Variants in MAF observed in about 807,000 individuals in gnomAD.
The protein encoded by MAF is MAF bZIP transcription factor, also known as transcription factor Maf.
A neutral mutation model predicts 22.0 loss-of-function variants in MAF; 10 were observed. The observed-to-expected ratio is 0.45, with a 90% confidence interval of 0.28 to 0.77. The LOEUF is 0.77. Ranked by LOEUF, MAF falls within the 30% of genes least tolerant of loss-of-function variation. MAF has a pLI of 0.12. For synonymous variants in MAF, 337 were observed against 255.8 expected, an observed-to-expected ratio of 1.32 and a Z score of -3.03; for missense variants, 544 against 548.4, an observed-to-expected ratio of 0.99 and a Z score of 0.08.
At chr16:79,270,950 G>C in the MAF span, among the ~76,000 whole-genome samples, 1 of 149,696 alleles carries the variant, frequency 6.7e-6, no homozygotes, top group Admixed American at 6.7e-5. Flanking sequence ...ACCCAGGATA[G>C]AGTGCACTGG....
At chr16:79,211,695 T>G in the MAF span, 45 of 1,614,226 alleles carry the variant, frequency 2.8e-5, no homozygotes, top group Non-Finnish European at 3.7e-5. Context: ...CTGCTGCCGC[T>G]GCATGCCCTC....
At chr16:79,344,660 C>A in the MAF span, among the ~76,000 whole-genome samples, 5 of 152,070 alleles carry the variant, frequency 3.3e-5, no homozygotes, top group Non-Finnish European at 7.4e-5. Flanking sequence ...AAGAGCTGTC[C>A]GAATCATAGT....
the MAF span, among the ~76,000 whole-genome samples, chr16:79,441,782 T>G: frequency 6.6e-6 from 1 of 152,344 alleles, no homozygotes; most frequent in Admixed American, 6.5e-5. Flanking sequence ...GTAAATTTAT[T>G]TCTACTAGGA....
chr16:79,340,175 T>C, the MAF span, among the ~76,000 whole-genome samples: 2 of 151,998 alleles, frequency 1.3e-5, no homozygotes, highest in Admixed American at 6.5e-5. Flanking sequence ...TTTTATCAAA[T>C]ACCTGCCCCT....
the MAF span, among the ~76,000 whole-genome samples, chr16:79,329,331 TGGA>T: frequency 6.6e-6 from 1 of 152,168 alleles, no homozygotes; most frequent in African/African-American, 2.4e-5. Context: ...AACTGGAATT[TGGA>T]GAAGTGAGAG....
At chr16:79,440,988 C>T in the MAF span, among the ~76,000 whole-genome samples, 13 of 152,266 alleles carry the variant, frequency 8.5e-5, no homozygotes, top group South Asian at 2.3e-3. Context: ...GATGTGGAGT[C>T]GTAATGTCCT....
At chr16:79,552,119 G>A in the MAF span, among the ~76,000 whole-genome samples, 3 of 152,046 alleles carry the variant, frequency 2.0e-5, no homozygotes, top group African/African-American at 4.8e-5. Context: ...CAGTCATTCT[G>A]TGGCACCCTT....
chr16:79,365,548 C>T, the MAF span, among the ~76,000 whole-genome samples: 35 of 150,770 alleles, frequency 2.3e-4, no homozygotes, highest in African/African-American at 3.9e-4. Context: ...GCTCTCCTCT[C>T]GGAAATGCTA....
At chr16:79,346,103 G>A in the MAF span, among the ~76,000 whole-genome samples, 4 of 151,810 alleles carry the variant, frequency 2.6e-5, no homozygotes, top group Non-Finnish European at 2.9e-5. Context: ...ATGTATACAT[G>A]TGCCATGTTG....
chr16:79,349,617 T>C, the MAF span, among the ~76,000 whole-genome samples: 2 of 152,172 alleles, frequency 1.3e-5, no homozygotes, highest in South Asian at 2.1e-4. Flanking sequence ...ACCCAGAGGA[T>C]AGCTGCTGTC....
the MAF span, among the ~76,000 whole-genome samples, chr16:79,325,482 C>T: frequency 6.6e-6 from 1 of 152,094 alleles, no homozygotes; most frequent in Non-Finnish European, 1.5e-5. Flanking sequence ...CTCAGGGTCC[C>T]ACAGCTAGTA....
the MAF span, among the ~76,000 whole-genome samples, chr16:79,226,660 AAATG>A: frequency 0.027 from 4,044 of 152,192 alleles, 99 homozygotes; most frequent in Non-Finnish European, 0.038. Context: ...TTGAGAGAAA[AAATG>A]AATGAAAAAG....
the MAF span, among the ~76,000 whole-genome samples, chr16:79,387,024 G>C: frequency 2.0e-5 from 3 of 152,166 alleles, no homozygotes; most frequent in Non-Finnish European, 4.4e-5. Flanking sequence ...TTCCAATATA[G>C]ATTTTCCCAG....
the MAF span, among the ~76,000 whole-genome samples, chr16:79,300,623 T>C: frequency 9.3e-5 from 14 of 150,784 alleles, no homozygotes; most frequent in East Asian, 2.0e-4. Context: ...CTAGGGTTTT[T>C]GCAAGTTCCT....
chr16:79,508,897 G>A, the MAF span, among the ~76,000 whole-genome samples: 10 of 152,182 alleles, frequency 6.6e-5, no homozygotes, highest in Non-Finnish European at 1.5e-4. Context: ...TGGGTATGAG[G>A]CTTCCTTTGG....
At chr16:79,590,553 A>C (rs752655680), downstream of MAF, among the ~76,000 whole-genome samples, 3 of 152,112 alleles carry the variant, frequency 2.0e-5, no homozygotes, top group Non-Finnish European at 2.9e-5. Flanking sequence ...AATTATGGAG[A>C]GGACACTGGG....
the MAF span, among the ~76,000 whole-genome samples, chr16:79,315,238 C>A: frequency 2.9e-4 from 44 of 152,104 alleles, no homozygotes; most frequent in African/African-American, 1.1e-3. Context: ...GGCAATAACA[C>A]AACAATAACC....
the MAF span, among the ~76,000 whole-genome samples, chr16:79,214,153 C>T: frequency 2.6e-5 from 4 of 152,044 alleles, no homozygotes; most frequent in Non-Finnish European, 4.4e-5. Flanking sequence ...ATTCTTATTC[C>T]CCTTCCCCTC....
At chr16:79,580,798 T>C in the MAF span, among the ~76,000 whole-genome samples, 2 of 136,220 alleles carry the variant, frequency 1.5e-5, no homozygotes, top group South Asian at 2.6e-4. Context: ...TGAGAAACTG[T>C]TCCAGGCTTT....
Sources: allele counts gnomAD v4.1 joint callset (sites outside exome capture counted in the v4.1 genomes callset), GRCh38; gene constraint gnomAD v4.1.1; transcripts MANE v1.5; gene names NCBI Gene and HGNC (gene_info 2026-07-23, HGNC 2026-07-21).